NALF1: variants seen among roughly 807,000 people sequenced by gnomAD.
NALF1 encodes NALCN channel auxiliary factor 1.
In NALF1, 3 loss-of-function variants were observed where a neutral mutation model predicts 48.4. The observed-to-expected ratio is 0.06, with a 90% CI of 0.03 to 0.16. NALF1 has a LOEUF of 0.16. Among genes scored for constraint, NALF1 ranks in the 10% least tolerant of loss-of-function variants. The pLI is 1.00. For synonymous variants in NALF1, 262 were observed against 245.7 expected (o/e 1.07, Z -0.62); for missense variants, 526 against 571.5 (o/e 0.92, Z 0.81).
chr13:107,210,807 G>A (rs745577753), intron 1 of NALF1, 52 bp from the exon 2 acceptor site: 12 of 1,310,948 alleles, frequency 9.2e-6, no homozygotes. Flanking sequence ...CAGTTACAGT[G>A]ATAGAGGCAC....
intron 1 of NALF1, among the ~76,000 whole-genome samples, chr13:107,347,647 G>A (rs922595014): frequency 6.6e-6 from 1 of 152,012 alleles, no homozygotes; most frequent in Non-Finnish European, 1.5e-5. Flanking sequence ...CCTCATTTCC[G>A]CAATCTTGTT....
chr13:107,499,233 T>C (rs1730132548), intron 1 of NALF1, among the ~76,000 whole-genome samples: 1 of 152,216 alleles, frequency 6.6e-6, no homozygotes, highest in Non-Finnish European at 1.5e-5. Context: ...AATTCATAAA[T>C]ACTGAAAGTA....
chr13:107,307,635 TAAA>T (rs34252962), intron 1 of NALF1, among the ~76,000 whole-genome samples: 3 of 117,436 alleles, frequency 2.6e-5, no homozygotes, highest in African/African-American at 9.8e-5. Context: ...CCTTTTTTAT[TAAA>T]AAAAAAAAAA....
At chr13:107,443,214 A>ATCTATCTATCTC (rs1429983797) in intron 1 of NALF1, among the ~76,000 whole-genome samples, 11 of 149,716 alleles carry the variant, frequency 7.3e-5, no homozygotes, top group African/African-American at 2.8e-4. Context: ...CTATCTATCT[A>ATCTATCTATCTC]TCTATCGATA....
intron 1 of NALF1, among the ~76,000 whole-genome samples, chr13:107,609,983 T>C (rs1879183100): frequency 6.6e-6 from 1 of 152,066 alleles, no homozygotes; most frequent in Non-Finnish European, 1.5e-5. Context: ...AAAGAGAATA[T>C]AGATAAATGA....
chr13:107,806,839 TA>T (rs1389605219), intron 1 of NALF1, among the ~76,000 whole-genome samples: 1 of 152,154 alleles, frequency 6.6e-6, no homozygotes, highest in Non-Finnish European at 1.5e-5. Context: ...AACATATACT[TA>T]AAAACCCCTG....
At chr13:107,754,354 AACACACACACACACACACACAC>A (rs6145234) in intron 1 of NALF1, among the ~76,000 whole-genome samples, 16 of 142,308 alleles carry the variant, frequency 1.1e-4, no homozygotes, top group African/African-American at 4.1e-4. Flanking sequence ...GTACATTGTG[AACACACACACACACACACACAC>A]ACACACACAC....
At chr13:107,463,230 T>A (rs1884948557) in intron 1 of NALF1, among the ~76,000 whole-genome samples, 1 of 152,208 alleles carries the variant, frequency 6.6e-6, no homozygotes, top group African/African-American at 2.4e-5. Context: ...AACTCTATTT[T>A]ACTAACAATT....
intron 1 of NALF1, among the ~76,000 whole-genome samples, chr13:107,378,260 C>CT (rs1883373559): frequency 6.6e-6 from 1 of 152,098 alleles, no homozygotes. Flanking sequence ...GTATATTTCC[C>CT]TGAAGTTCAG....
intron 1 of NALF1, among the ~76,000 whole-genome samples, chr13:107,581,332 G>A (rs1213883005): frequency 6.6e-6 from 1 of 152,166 alleles, no homozygotes; most frequent in African/African-American, 2.4e-5. Flanking sequence ...ACAAAGGAAA[G>A]CTCTGTAACT....
chr13:107,166,416 T>C lies in NALF1; in HGVS notation c.*4081A>G, dbSNP rs1267376824. 1.3e-5 allele frequency: 2 copies of C among 152,144 alleles called. No individual in the cohort carries two copies. Among genetic ancestry groups the C allele is most frequent in the East Asian group, 1.9e-4 (1 of 5,186 alleles). 9.4% of individuals were successfully genotyped at this position (152,144 alleles called of 1,614,324 possible). ...GCTTGAGCAACAGAGCAAGATGCCA[T>C]CTCAAAAAACAAACAAACACACAGA... On this transcript the variant is annotated 3_prime_UTR_variant, in exon 3 of 3. Transcript: ENST00000375915.
chr13:107,846,348 T>C (rs1462179787), intron 1 of NALF1, among the ~76,000 whole-genome samples: 3 of 152,184 alleles, frequency 2.0e-5, no homozygotes, highest in South Asian at 2.1e-4. Context: ...ACAAAAGGCA[T>C]AGAATGTTAG....
rs1566434097 is a variant in NALF1 at position 107,660,481 on chromosome 13, AC to A, written c.915+205200del. 2.0e-3 allele frequency among the ~76,000 whole-genome samples: 175 copies of A among 88,342 alleles called. 4 individuals carry two copies. Among genetic ancestry groups the A allele is most frequent in the East Asian group, 0.012 (52 of 4,388 alleles). 58.0% of individuals were successfully genotyped at this position (88,342 alleles called of 152,430 possible). A position where few individuals can be genotyped will look rare whatever the true frequency, so the allele number is the denominator to read the frequency against. On this transcript the variant is annotated intron_variant, in intron 1 of 2. Transcript: ENST00000375915. ...CACACACACACACACACACACACACACACAACAAAGAAACAAAAAAACAAAC... is the reference window on the plus strand; with the variant it reads ...CACACACACACACACACACACACACAACAACAAAGAAACAAAAAAACAAAC...
At chr13:107,467,909 G>A (rs60151354) in intron 1 of NALF1, among the ~76,000 whole-genome samples, 11,224 of 151,992 alleles carry the variant, frequency 0.074, 1,327 homozygotes, top group African/African-American at 0.25. Context: ...TTAGCCGGGC[G>A]TGGTGGCGGG....
intron 1 of NALF1, among the ~76,000 whole-genome samples, chr13:107,232,202 G>T (rs1020468103): frequency 2.0e-5 from 3 of 152,178 alleles, no homozygotes; most frequent in Non-Finnish European, 4.4e-5. Context: ...AGGTAGGTAA[G>T]GGCATGCCCT....
chr13:107,568,710 C>A (rs945850368), intron 1 of NALF1, among the ~76,000 whole-genome samples: 1 of 152,084 alleles, frequency 6.6e-6, no homozygotes, highest in African/African-American at 2.4e-5. Flanking sequence ...TGATGAAGAT[C>A]TTTTTATGTG....
intron 1 of NALF1, among the ~76,000 whole-genome samples, chr13:107,801,321 C>T (rs192835481): frequency 1.2e-3 from 182 of 152,206 alleles, no homozygotes; most frequent in Middle Eastern, 0.01. Flanking sequence ...AATAAGACAT[C>T]GCCCAGATAT....
At chr13:107,257,043 C>A (rs573716084) in intron 1 of NALF1, among the ~76,000 whole-genome samples, 1 of 151,992 alleles carries the variant, frequency 6.6e-6, no homozygotes, top group Non-Finnish European at 1.5e-5. Context: ...CTTAAAATTA[C>A]GGCGGAAGGG....
At chr13:107,406,923 T>C (rs1303974446) in intron 1 of NALF1, among the ~76,000 whole-genome samples, 2 of 151,980 alleles carry the variant, frequency 1.3e-5, no homozygotes, top group Admixed American at 6.6e-5. Flanking sequence ...AACAGACACA[T>C]ATATCAGTGA....
Sources: gnomAD v4.1 joint callset for allele counts (sites outside exome capture counted in the v4.1 genomes callset) on GRCh38, gnomAD v4.1.1 for gene constraint, MANE v1.5 for transcripts, NCBI Gene and HGNC (gene_info 2026-07-23, HGNC 2026-07-21) for gene names.